CDKAL1: variants seen among roughly 807,000 people sequenced by gnomAD.
The protein encoded by CDKAL1 is threonylcarbamoyladenosine tRNA methylthiotransferase.
Under a neutral mutation model 68.2 loss-of-function variants are expected in CDKAL1, and 32 were observed. That is an observed-to-expected ratio of 0.47 (90% confidence interval 0.35 to 0.63). The LOEUF is 0.63. CDKAL1 is among the 30% of genes least tolerant of loss of function. CDKAL1 has a pLI of 0.00. For synonymous variants in CDKAL1, 234 were observed against 244.3 expected (o/e 0.96, Z 0.39); for missense variants, 606 against 696.7 (o/e 0.87, Z 1.47).
At chr6:21,134,677 A>G (rs1775494135) in intron 13 of CDKAL1, among the ~76,000 whole-genome samples, 1 of 152,136 alleles carries the variant, frequency 6.6e-6, no homozygotes, top group Non-Finnish European at 1.5e-5. Context: ...AGTAAACTAC[A>G]GCTTCTGCTT....
intron 5 of CDKAL1, among the ~76,000 whole-genome samples, chr6:20,693,129 C>CAAAAAA (rs70990059): frequency 2.7e-4 from 18 of 67,618 alleles, no homozygotes; most frequent in African/African-American, 8.9e-4. Context: ...GACTCTGTCT[C>CAAAAAA]AAAAAAAAAA....
intron 7 of CDKAL1, among the ~76,000 whole-genome samples, chr6:20,762,381 T>C (rs186342811): frequency 6.6e-6 from 1 of 152,258 alleles, no homozygotes; most frequent in Non-Finnish European, 1.5e-5. Context: ...AACAGGAGAA[T>C]TTTTCAGATG....
intron 11 of CDKAL1, among the ~76,000 whole-genome samples, chr6:21,021,506 AC>A (rs1028471063): frequency 2.0e-5 from 3 of 152,228 alleles, no homozygotes; most frequent in Non-Finnish European, 4.4e-5. Context: ...AGGAAAAAAA[AC>A]ATTGAAAATA....
intron 4 of CDKAL1, among the ~76,000 whole-genome samples, chr6:20,569,691 TCCCTAC>T (rs1764617806): frequency 6.6e-6 from 1 of 152,238 alleles, no homozygotes; most frequent in African/African-American, 2.4e-5. Context: ...TGGAGTTCTC[TCCCTAC>T]CCCTGCAGCA....
At chr6:21,103,197 G>C (rs990438998) in intron 12 of CDKAL1, among the ~76,000 whole-genome samples, 3 of 152,062 alleles carry the variant, frequency 2.0e-5, no homozygotes, top group African/African-American at 7.3e-5. Flanking sequence ...ATTGGCTTGG[G>C]GAACCAAAAG....
At chr6:20,616,839 CCACACACACACACA>C (rs756883799) in intron 4 of CDKAL1, among the ~76,000 whole-genome samples, 57 of 121,390 alleles carry the variant, frequency 4.7e-4, no homozygotes, top group African/African-American at 1.4e-3. Context: ...CCCGACTCTA[CCACACACACACACA>C]CACACACACA....
chr6:21,046,312 A>G (rs1041300578), intron 11 of CDKAL1, among the ~76,000 whole-genome samples: 6 of 152,150 alleles, frequency 3.9e-5, no homozygotes, highest in Non-Finnish European at 8.8e-5. Flanking sequence ...TTTGTTCTTA[A>G]GTTTTAAAGT....
intron 5 of CDKAL1, among the ~76,000 whole-genome samples, chr6:20,657,987 C>T (rs13190727): frequency 0.19 from 28,134 of 150,982 alleles, 2,812 homozygotes; most frequent in African/African-American, 0.23. Context: ...TTGATTTAGA[C>T]AATATGGCCT....
chr6:20,790,041 C>T (rs775492016), intron 8 of CDKAL1, among the ~76,000 whole-genome samples: 9 of 152,174 alleles, frequency 5.9e-5, no homozygotes, highest in Non-Finnish European at 1.0e-4. Flanking sequence ...AGCAATCCTC[C>T]TGCCTTGGCC....
intron 9 of CDKAL1, among the ~76,000 whole-genome samples, chr6:20,885,334 T>C (rs116824070): frequency 0.015 from 2,315 of 152,304 alleles, 36 homozygotes; most frequent in South Asian, 0.057. Flanking sequence ...TATAGATCAA[T>C]GGAATGGGAC....
At chr6:20,716,099 G>A (rs1772078689) in intron 5 of CDKAL1, among the ~76,000 whole-genome samples, 2 of 152,208 alleles carry the variant, frequency 1.3e-5, no homozygotes, top group Non-Finnish European at 2.9e-5. Context: ...TTTGGCACTT[G>A]CAGTAAGCTA....
chr6:20,929,162 T>C (rs1227561633), intron 9 of CDKAL1, among the ~76,000 whole-genome samples: 1 of 152,148 alleles, frequency 6.6e-6, no homozygotes, highest in Non-Finnish European at 1.5e-5. Context: ...TCCCAGTAGA[T>C]AGGGAAAAGA....
At chr6:20,684,670 T>C (rs1770538615) in intron 5 of CDKAL1, among the ~76,000 whole-genome samples, 1 of 152,228 alleles carries the variant, frequency 6.6e-6, no homozygotes, top group Admixed American at 6.5e-5. Context: ...CTCCGCATCC[T>C]TGCCAACATT....
intron 4 of CDKAL1, among the ~76,000 whole-genome samples, chr6:20,584,622 G>A (rs1382325007): frequency 6.6e-6 from 1 of 152,160 alleles, no homozygotes. Context: ...TAAGGCTTAA[G>A]CTGAGGTCCC....
intron 15 of CDKAL1, among the ~76,000 whole-genome samples, chr6:21,218,712 G>A (rs1562125899): frequency 6.6e-6 from 1 of 152,140 alleles, no homozygotes; most frequent in Admixed American, 6.5e-5. Flanking sequence ...GCTTCCCTCA[G>A]AGCAAGCAAG....
intron 9 of CDKAL1, among the ~76,000 whole-genome samples, chr6:20,907,889 T>C (rs575942486): frequency 9.9e-5 from 15 of 152,184 alleles, no homozygotes; most frequent in African/African-American, 3.6e-4. Flanking sequence ...CCACTGTTGG[T>C]CAATAGGGTC....
intron 5 of CDKAL1, among the ~76,000 whole-genome samples, chr6:20,663,823 A>G (rs1290117582): frequency 1.3e-5 from 2 of 152,130 alleles, no homozygotes; most frequent in African/African-American, 4.8e-5. Flanking sequence ...GTCTTAACCA[A>G]TTGGAAAACA....
At chr6:21,215,988 G>C (rs1219642858) in intron 15 of CDKAL1, among the ~76,000 whole-genome samples, 1 of 152,146 alleles carries the variant, frequency 6.6e-6, no homozygotes, top group Admixed American at 6.5e-5. Flanking sequence ...AAAAGCAAAA[G>C]AGAAAGGCAG....
chr6:20,900,886 G>C (rs1761927428), intron 9 of CDKAL1, among the ~76,000 whole-genome samples: 1 of 152,170 alleles, frequency 6.6e-6, no homozygotes, highest in Admixed American at 6.5e-5. Flanking sequence ...TGTGTCCTGA[G>C]AGTTAAATAC....
Sources: gnomAD v4.1 joint callset for allele counts (sites outside exome capture counted in the v4.1 genomes callset) on GRCh38, gnomAD v4.1.1 for gene constraint, MANE v1.5 for transcripts, NCBI Gene and HGNC (gene_info 2026-07-23, HGNC 2026-07-21) for gene names.